UGT1A9: variants seen among roughly 807,000 people sequenced by gnomAD.
The protein encoded by UGT1A9 is UDP glucuronosyltransferase family 1 member A9.
Under a neutral mutation model 45.0 loss-of-function variants are expected in UGT1A9, and 35 were observed. The observed-to-expected ratio is 0.78, with a 90% CI of 0.59 to 1.03. The LOEUF is 1.03. Among genes scored for constraint, UGT1A9 ranks in the 50% least tolerant of loss-of-function variants. The probability of loss-of-function intolerance (pLI) is 0.00; values close to 1 mark genes in which losing one functional copy is unlikely to be tolerated. For missense variants in UGT1A9, 687 were observed against 666.6 expected (o/e 1.03, Z -0.34); for synonymous variants, 278 against 250.6 (o/e 1.11, Z -1.03).
intron 1 of UGT1A9, among the ~76,000 whole-genome samples, chr2:233,728,414 C>T (rs186918599): frequency 6.6e-6 from 1 of 152,192 alleles, no homozygotes; most frequent in African/African-American, 2.4e-5. Context: ...CTTTAGATAG[C>T]AGCACCTCTT....
At chr2:233,734,012 C>T (rs930293751) in intron 1 of UGT1A9, among the ~76,000 whole-genome samples, 5 of 151,904 alleles carry the variant, frequency 3.3e-5, no homozygotes, top group East Asian at 1.9e-4. Flanking sequence ...TGTTAAATGA[C>T]GAGTTAATGG....
intron 1 of UGT1A9, chr2:233,719,772 T>G: frequency 6.2e-7 from 1 of 1,611,636 alleles, no homozygotes; most frequent in South Asian, 1.1e-5. Flanking sequence ...CTTCCATATC[T>G]ACTTATCTTT....
Position 233,772,610 on chromosome 2 carries a change from C to A in UGT1A9, c.*51C>A. 6.3e-7 allele frequency: 1 copy of A among 1,580,500 alleles called. No individual in the cohort carries two copies. Among genetic ancestry groups the A allele is most frequent in the South Asian group, 1.1e-5 (1 of 87,222 alleles). On this transcript the variant is annotated 3_prime_UTR_variant, in exon 5 of 5. Transcript: ENST00000354728. ...TTTTGAACCATTCCCTAGTCATTTC[C>A]AAACTTGAAAACAGAATCAGTGTTA...
At position 233,682,005 on chromosome 2, in the gene UGT1A9, C is replaced by A. The variant is rs2074549524; in HGVS notation, c.855+9216C>A. The A allele has an allele frequency of 5.0e-6, 8 of 1,613,988 alleles. No homozygotes were observed. Among genetic ancestry groups the A allele is most frequent in the Non-Finnish European group, 6.8e-6 (8 of 1,180,012 alleles). ...TGTCTACTGCTGACCTGTGGCTTTG[C>A]CAAGGCAGGGAAGCTGCTGGTAGTG... On this transcript the variant is annotated intron_variant, in intron 1 of 4. Transcript: ENST00000354728.
rs147555582 is a variant in UGT1A9, at chr2:233,719,200, G to C, written c.855+46411G>C. ...AATGTATCTTTGGCCCTTCATAGGT[G>C]TTGTGTGGAGCTACTGCATAATGAG... is the stretch of plus-strand genomic sequence containing the variant. On this transcript the variant is annotated intron_variant, in intron 1 of 4. Coordinates refer to ENST00000354728, the MANE Select transcript of UGT1A9 (RefSeq NM_021027.3). 146 of 1,614,136 alleles carry C rather than the reference G, an allele frequency of 9.0e-5. 3 individuals carry two copies. The highest frequency in any genetic ancestry group is 3.3e-4 in the Middle Eastern group (2 of 6,062).
intron 1 of UGT1A9, among the ~76,000 whole-genome samples, chr2:233,765,584 C>T (rs1030389138): frequency 7.2e-5 from 11 of 151,846 alleles, no homozygotes; most frequent in African/African-American, 4.8e-5. Flanking sequence ...GGGAGGGGAA[C>T]AACACACACC....
intron 1 of UGT1A9, among the ~76,000 whole-genome samples, chr2:233,740,284 G>A (rs932768125): frequency 2.0e-5 from 3 of 151,852 alleles, no homozygotes; most frequent in African/African-American, 7.3e-5. Flanking sequence ...ATACTGAAAG[G>A]GTTTAAAGGA....
chr2:233,720,742 G>A (rs2125678345), intron 1 of UGT1A9, among the ~76,000 whole-genome samples: 1 of 144,784 alleles, frequency 6.9e-6, no homozygotes, highest in African/African-American at 2.6e-5. Flanking sequence ...GCCTCGTTCT[G>A]TCGCCCAGGC....
At chr2:233,705,607 A>G (rs28898586) in intron 1 of UGT1A9, among the ~76,000 whole-genome samples, 1,928 of 152,348 alleles carry the variant, frequency 0.013, 41 homozygotes, top group African/African-American at 0.043. Context: ...GGCTCTGAAG[A>G]GAGAAGAAAC....
chr2:233,694,331 C>G (rs2075215181), intron 1 of UGT1A9, among the ~76,000 whole-genome samples: 1 of 151,490 alleles, frequency 6.6e-6, no homozygotes, highest in Non-Finnish European at 1.5e-5. Context: ...TATGTTGAGA[C>G]CTGTTTTTAT....
At chr2:233,712,679 A>G (rs1030687353) in intron 1 of UGT1A9, among the ~76,000 whole-genome samples, 1 of 152,224 alleles carries the variant, frequency 6.6e-6, no homozygotes, top group African/African-American at 2.4e-5. Context: ...AGACAGTGAC[A>G]TGAAATGGGG....
At chr2:233,729,792 C>T (rs370250320) in intron 1 of UGT1A9, 17 of 1,613,864 alleles carry the variant, frequency 1.1e-5, no homozygotes, top group Non-Finnish European at 1.3e-5. Flanking sequence ...CCCTGTCCTA[C>T]ATTTGCCATG....
chr2:233,692,987 A>T, intron 1 of UGT1A9: 1 of 1,613,680 alleles, frequency 6.2e-7, no homozygotes, highest in South Asian at 1.1e-5. Flanking sequence ...TACCGTTGTT[A>T]CTTTAACTCT....
At chr2:233,680,864 G>A (rs2074500629) in intron 1 of UGT1A9, among the ~76,000 whole-genome samples, 1 of 152,062 alleles carries the variant, frequency 6.6e-6, no homozygotes, top group Non-Finnish European at 1.5e-5. Flanking sequence ...TCATTAGAGT[G>A]CTTGGGCAAG....
At chr2:233,733,214 A>T (rs920142608) in intron 1 of UGT1A9, among the ~76,000 whole-genome samples, 1 of 152,180 alleles carries the variant, frequency 6.6e-6, no homozygotes, top group African/African-American at 2.4e-5. Flanking sequence ...TTGGGCTGAG[A>T]CAATGGGGTT....
rs760077462 is a variant in UGT1A9, at chr2:233,725,078, TC to T, written c.856-41955del. Among the ~76,000 whole-genome samples, 17 of 144,282 alleles carry T rather than the reference TC, an allele frequency of 1.2e-4. 2 individuals carry two copies. Among genetic ancestry groups the T allele is most frequent in the Non-Finnish European group, 2.4e-4 (16 of 65,662 alleles). The allele number at this position is 144,282 out of a possible 152,430, so 94.7% of individuals were successfully genotyped here. On this transcript the variant is annotated intron_variant, in intron 1 of 4. Coordinates refer to ENST00000354728, the MANE Select transcript of UGT1A9 (RefSeq NM_021027.3). ...GGCGCGCGCCTGCAATCGCAGGCAC[TC>T]GGCAGGCTGAGGCAGGAGAATCAGG...
At chr2:233,686,738 C>T (rs887887511) in intron 1 of UGT1A9, among the ~76,000 whole-genome samples, 2 of 152,214 alleles carry the variant, frequency 1.3e-5, no homozygotes, top group Admixed American at 6.5e-5. Context: ...AACCTCTTGC[C>T]TTCCCTAGCC....
intron 1 of UGT1A9, chr2:233,747,143 T>C (rs1451311300): frequency 2.6e-6 from 4 of 1,563,162 alleles, no homozygotes; most frequent in African/African-American, 1.4e-5. Context: ...ACAAGGTAAT[T>C]AAGATGAAGA....
intron 1 of UGT1A9, among the ~76,000 whole-genome samples, chr2:233,766,129 A>G (rs1046451620): frequency 6.6e-6 from 1 of 152,192 alleles, no homozygotes; most frequent in Non-Finnish European, 1.5e-5. Context: ...GGTGTACCAG[A>G]AGAATCGAAT....
Sources: allele counts gnomAD v4.1 joint callset (sites outside exome capture counted in the v4.1 genomes callset), GRCh38; gene constraint gnomAD v4.1.1; transcripts MANE v1.5; gene names NCBI Gene and HGNC (gene_info 2026-07-23, HGNC 2026-07-21).